RAB23: variants seen among roughly 807,000 people sequenced by gnomAD.
RAB23 encodes ras-related protein Rab-23.
RAB23 carries 15 observed loss-of-function variants against 30.0 expected under a neutral mutation model. The ratio of observed to expected loss-of-function variants is 0.50; its 90% CI spans 0.33 to 0.77. The LOEUF (loss-of-function observed/expected upper bound fraction) is 0.77. RAB23 is among the 30% of genes least tolerant of loss of function. The pLI is 0.02. For synonymous variants in RAB23, 93 were observed against 94.0 expected (o/e 0.99, Z 0.06); for missense variants, 243 against 275.4 (o/e 0.88, Z 0.83).
In RAB23 at chr6:57,187,248, G is replaced by A. The variant is rs543244907; in HGVS notation, c.*3213C>T. On this transcript the variant is annotated 3_prime_UTR_variant, in exon 7 of 7. Transcript: ENST00000468148. The stretch of plus-strand genomic sequence containing the variant: ...ACATCCTACTGTAGATATTTCGAGA[G>A]ACAGATGAAAATAATAATAATAAAG... 6.6e-6 allele frequency: 1 copy of A among 152,194 alleles called. No homozygotes were observed. The highest frequency in any genetic ancestry group is 2.1e-4 in the South Asian group (1 of 4,822). 9.4% of individuals were successfully genotyped at this position (152,194 alleles called of 1,614,324 possible). A position where few individuals can be genotyped will look rare whatever the true frequency, so the allele number is the denominator to read the frequency against.
chr6:57,201,518 C>A (rs538320022), intron 3 of RAB23, among the ~76,000 whole-genome samples: 1 of 152,300 alleles, frequency 6.6e-6, no homozygotes, highest in Admixed American at 6.5e-5. Context: ...CAGTTTACTG[C>A]TCTTAGCTCA....
At chr6:57,204,263 T>G (rs1765374389) in intron 3 of RAB23, among the ~76,000 whole-genome samples, 1 of 152,166 alleles carries the variant, frequency 6.6e-6, no homozygotes, top group Admixed American at 6.6e-5. Context: ...ACTTGGAACT[T>G]TCATATATAT....
At position 57,196,587 on chromosome 6, in the gene RAB23, G is replaced by A. The variant is rs764774207; in HGVS notation, c.261C>T (p.Leu87=). The A allele has an allele frequency of 9.3e-6, 15 of 1,613,686 alleles. 1 individual carries two copies. The highest frequency in any genetic ancestry group is 1.6e-4 in the Middle Eastern group (1 of 6,082). ...ATTCCCTATCTGTGGTAGAGAACAC[G>A]AGCACACAAGCCTGGGCTCCTGTAA... is the stretch of plus-strand genomic sequence containing the variant. ...AYYRGAQACV[L]VFSTTDRESF... The change falls in exon 4 of 7, where the codon CTC becomes CTT. Residue 87 remains leucine (L), a synonymous_variant. Transcript: ENST00000468148.
rs1491104486 is a variant in RAB23 at position 57,188,679 on chromosome 6, T to TATCA, written c.*1778_*1781dup. On this transcript the variant is annotated 3_prime_UTR_variant, in exon 7 of 7. Transcript: ENST00000468148. ...ATTTTGCCCCCAAAACCTATGTCAC[T>TATCA]ATCAGCAATGGGAGTGGTGACAACT... 2.0e-5 allele frequency: 3 copies of TATCA among 152,212 alleles called. No individual in the cohort carries two copies. The highest frequency in any genetic ancestry group is 6.5e-5 in the Admixed American group (1 of 15,284). The allele number at this position is 152,212 out of a possible 1,614,324, so 9.4% of individuals were successfully genotyped here.
rs1764733430 is a variant in RAB23, at chr6:57,189,172, A to G, written c.*1289T>C. On this transcript the variant is annotated 3_prime_UTR_variant, in exon 7 of 7. Coordinates refer to ENST00000468148, the MANE Select transcript of RAB23 (RefSeq NM_016277.5). ...AGTGACAAAATTTATGTCCTGACAC[A>G]TGATTACATATTAAATCATTTTGTA... The G allele has an allele frequency of 6.6e-6, 1 of 152,198 alleles. No individual in the cohort carries two copies. Among genetic ancestry groups the G allele is most frequent in the Admixed American group, 6.5e-5 (1 of 15,282 alleles). 9.4% of individuals were successfully genotyped at this position (152,198 alleles called of 1,614,324 possible).
Position 57,190,245 on chromosome 6 carries a change from T to TAA in RAB23, c.*214_*215dup. 1 of 533,362 alleles carries TAA rather than the reference T, an allele frequency of 1.9e-6. No homozygotes were observed. Among genetic ancestry groups the TAA allele is most frequent in the South Asian group, 2.3e-5 (1 of 44,318 alleles). 33.0% of individuals were successfully genotyped at this position (533,362 alleles called of 1,614,324 possible). A position where few individuals can be genotyped will look rare whatever the true frequency, so the allele number is the denominator to read the frequency against. On this transcript the variant is annotated 3_prime_UTR_variant, in exon 7 of 7. Coordinates refer to ENST00000468148, the MANE Select transcript of RAB23 (RefSeq NM_016277.5). Reference sequence around the variant, plus strand: ...CAAACAGGAGAAGCTTCGTCTAATGTAAAAAAAATTAAAGGAGTCCACAGG... The same window carrying TAA: ...CAAACAGGAGAAGCTTCGTCTAATGTAAAAAAAAAATTAAAGGAGTCCACAGG...
At chr6:57,208,626 C>CAA (rs1168854982) in intron 2 of RAB23, among the ~76,000 whole-genome samples, 648 of 44,432 alleles carry the variant, frequency 0.015, 1 homozygote, top group East Asian at 0.022. Context: ...GACTCTGTCT[C>CAA]AAAAAAAAAA....
chr6:57,198,841 A>G (rs1265444011), intron 3 of RAB23, among the ~76,000 whole-genome samples: 1 of 152,170 alleles, frequency 6.6e-6, no homozygotes, highest in Non-Finnish European at 1.5e-5. Flanking sequence ...TAGAGGAAGC[A>G]TATATGATGG....
At chr6:57,196,370 C>T in intron 4 of RAB23, 80 bp downstream of exon 4, 1 of 1,527,762 alleles carries the variant, frequency 6.5e-7, no homozygotes, top group South Asian at 1.1e-5. Flanking sequence ...TTTCCTAGAA[C>T]CTGTAAAACT....
At chr6:57,202,294 C>G (rs1765296699) in intron 3 of RAB23, among the ~76,000 whole-genome samples, 1 of 152,170 alleles carries the variant, frequency 6.6e-6, no homozygotes, top group Non-Finnish European at 1.5e-5. Flanking sequence ...TGGCATCTCT[C>G]CCTAAAAACA....
rs779859049 is a variant in RAB23 at position 57,196,480 on chromosome 6, A to G, written c.368T>C (p.Ile123Thr). 2 of 1,614,026 alleles carry G rather than the reference A, an allele frequency of 1.2e-6. No individual in the cohort carries two copies. The highest frequency in any genetic ancestry group is 2.2e-5 in the South Asian group (2 of 91,070). ...DIPTVLVQNK[I>T]DLLDDSCIKN... The stretch of plus-strand genomic sequence containing the variant: ...TATACAAGAATCATCCAGAAGATCA[A>G]TCTTGTTTTGCACAAGTACAGTTGG... Residue 123 changes from isoleucine to threonine, a missense_variant, in exon 4 of 7, where the codon ATT becomes ACT. Transcript: ENST00000468148.
chr6:57,210,185 C>T, intron 2 of RAB23, 41 bp downstream of exon 2: 1 of 1,596,490 alleles, frequency 6.3e-7, no homozygotes, highest in Admixed American at 1.7e-5. Flanking sequence ...GGATATAGTT[C>T]ACAAATCAAA....
chr6:57,204,908 G>A (rs541370439), intron 3 of RAB23, among the ~76,000 whole-genome samples: 2 of 151,908 alleles, frequency 1.3e-5, no homozygotes, highest in African/African-American at 2.4e-5. Flanking sequence ...CTAGTTCAGA[G>A]AGCAAATACC....
At chr6:57,205,155 CAT>C (rs1286934270) in intron 3 of RAB23, among the ~76,000 whole-genome samples, 14 of 150,942 alleles carry the variant, frequency 9.3e-5, no homozygotes, top group Non-Finnish European at 1.5e-4. Context: ...TATATACACA[CAT>C]ATATACACAC....
At chr6:57,216,702 T>C (rs1002112820) in intron 1 of RAB23, among the ~76,000 whole-genome samples, 2 of 152,112 alleles carry the variant, frequency 1.3e-5, no homozygotes, top group East Asian at 1.9e-4. Flanking sequence ...GTTATTTTTA[T>C]GGTTTTTTTT....
intron 3 of RAB23, among the ~76,000 whole-genome samples, chr6:57,203,882 T>C (rs1765357718): frequency 6.6e-6 from 1 of 152,114 alleles, no homozygotes; most frequent in African/African-American, 2.4e-5. Context: ...AGCCTTAAAG[T>C]ACACAGTAAA....
At position 57,190,012 on chromosome 6, in the gene RAB23, C is replaced by A; in HGVS notation, c.*449G>T. The A allele has an allele frequency of 4.9e-6, 1 of 205,632 alleles. No homozygotes were observed. The highest frequency in any genetic ancestry group is 1.3e-4 in the East Asian group (1 of 7,858). The allele number at this position is 205,632 out of a possible 1,614,324, so 12.7% of individuals were successfully genotyped here. A position where few individuals can be genotyped will look rare whatever the true frequency, so the allele number is the denominator to read the frequency against. ...CAGTCTGGCAAGATTTAGGGTTTAC[C>A]TTTCAGTATTATTTTGTGAAAGTAT... is the stretch of plus-strand genomic sequence containing the variant. On this transcript the variant is annotated 3_prime_UTR_variant, in exon 7 of 7. Coordinates refer to ENST00000468148, the MANE Select transcript of RAB23 (RefSeq NM_016277.5).
chr6:57,204,963 T>C (rs1410551854), intron 3 of RAB23, among the ~76,000 whole-genome samples: 4 of 151,784 alleles, frequency 2.6e-5, no homozygotes, highest in Admixed American at 6.6e-5. Context: ...TATATGTGTA[T>C]ATACACATAC....
chr6:57,207,002 A>G (rs1008632037), intron 3 of RAB23, among the ~76,000 whole-genome samples: 2 of 152,216 alleles, frequency 1.3e-5, no homozygotes, highest in Non-Finnish European at 2.9e-5. Flanking sequence ...TCTCACTTTA[A>G]TCACTATTGG....
Sources: allele counts gnomAD v4.1 joint callset (sites outside exome capture counted in the v4.1 genomes callset), GRCh38; gene constraint gnomAD v4.1.1; transcripts MANE v1.5; gene names NCBI Gene and HGNC (gene_info 2026-07-23, HGNC 2026-07-21).